MBNL1: variants seen among roughly 807,000 people sequenced by gnomAD.
MBNL1 encodes muscleblind-like protein 1.
A neutral mutation model predicts 42.2 loss-of-function variants in MBNL1; 8 were observed. The observed-to-expected ratio is 0.19, with a 90% CI of 0.11 to 0.34. The LOEUF is 0.34. Ranked by LOEUF, MBNL1 falls within the 10% of genes least tolerant of loss-of-function variation. The pLI is 1.00. For missense variants in MBNL1, 309 were observed against 495.3 expected (o/e 0.62, Z 3.57); for synonymous variants, 169 against 173.9 (o/e 0.97, Z 0.22).
intron 2 of MBNL1, among the ~76,000 whole-genome samples, chr3:152,317,235 T>C (rs1177910305): frequency 1.3e-5 from 2 of 152,206 alleles, no homozygotes; most frequent in African/African-American, 4.8e-5. Flanking sequence ...TAAAAGATTC[T>C]TATAAATTTA....
chr3:152,432,960 A>G lies in MBNL1; in HGVS notation c.549+40A>G, dbSNP rs118182284. The G allele has an allele frequency of 2.8e-4, 438 of 1,541,022 alleles. 2 individuals are homozygous for G. In the East Asian group the frequency reaches 4.4e-3, roughly 15 times the overall value. ...TTGGTGTCTTTATATACTACATTCTAATTCTCAAAGTGTGGTTTTTTGTTT... is the reference window on the plus strand; with the variant it reads ...TTGGTGTCTTTATATACTACATTCTGATTCTCAAAGTGTGGTTTTTTGTTT... On this transcript the variant is annotated intron_variant, in intron 4 of 9. Coordinates refer to ENST00000324210, the MANE Select transcript of MBNL1 (RefSeq NM_021038.5).
Position 152,291,347 on chromosome 3 carries a change from A to G in MBNL1, c.-789-8058A>G, listed in dbSNP as rs1192320915. On this transcript the variant is annotated intron_variant, in intron 1 of 9. Coordinates refer to ENST00000324210, the MANE Select transcript of MBNL1 (RefSeq NM_021038.5). ...CACATAAATCTGTTTCGAATATTCC[A>G]TGGCTCAAAATATCTTTCTTCAACT... Among the ~76,000 whole-genome samples, 9 of 152,304 alleles carry G rather than the reference A, an allele frequency of 5.9e-5. No individual in the cohort carries two copies. In the Middle Eastern group the frequency reaches 0.01, roughly 173 times the overall value.
intron 2 of MBNL1, among the ~76,000 whole-genome samples, chr3:152,368,987 T>C (rs907961646): frequency 6.6e-6 from 1 of 152,168 alleles, no homozygotes; most frequent in Non-Finnish European, 1.5e-5. Flanking sequence ...CTCTTCCTAT[T>C]TGAATACACT....
chr3:152,313,298 C>G (rs760001725), intron 2 of MBNL1, among the ~76,000 whole-genome samples: 1 of 152,166 alleles, frequency 6.6e-6, no homozygotes, highest in African/African-American at 2.4e-5. Context: ...GCTGGGATTA[C>G]AGGTGTGAGC....
intron 1 of MBNL1, among the ~76,000 whole-genome samples, chr3:152,274,758 G>A (rs1319252390): frequency 6.6e-6 from 1 of 151,668 alleles, no homozygotes; most frequent in Admixed American, 6.6e-5. Flanking sequence ...GTTTCCAAAT[G>A]TCCTATACTA....
At chr3:152,399,459 G>GTA in intron 2 of MBNL1, among the ~76,000 whole-genome samples, 1 of 152,108 alleles carries the variant, frequency 6.6e-6, no homozygotes, top group East Asian at 1.9e-4. Flanking sequence ...ATTTCAGAAA[G>GTA]TAGGTATACT....
chr3:152,249,760 G>T (rs62272727), intron 2 of MBNL1, among the ~76,000 whole-genome samples: 67,446 of 111,846 alleles, frequency 0.6, 20,956 homozygotes, highest in African/African-American at 0.63. Context: ...AGGTCTAACG[G>T]TTAAGTCTTT....
chr3:152,315,773 A>G (rs2070578448), intron 2 of MBNL1, among the ~76,000 whole-genome samples: 1 of 152,124 alleles, frequency 6.6e-6, no homozygotes, highest in South Asian at 2.1e-4. Context: ...GCTCCAAAGT[A>G]GGAGCCAAAC....
At chr3:152,390,209 A>G (rs2097648006) in intron 2 of MBNL1, among the ~76,000 whole-genome samples, 1 of 151,730 alleles carries the variant, frequency 6.6e-6, no homozygotes, top group South Asian at 2.1e-4. Context: ...AAATGCAAAC[A>G]GATTGTACAT....
chr3:152,350,436 C>A (rs1477618283), intron 2 of MBNL1, among the ~76,000 whole-genome samples: 1 of 151,924 alleles, frequency 6.6e-6, no homozygotes, highest in Non-Finnish European at 1.5e-5. Flanking sequence ...TAAAGAAATT[C>A]AATAATAATA....
chr3:152,271,051 T>A (rs1576902532), intron 1 of MBNL1, among the ~76,000 whole-genome samples: 1 of 152,196 alleles, frequency 6.6e-6, no homozygotes, highest in African/African-American at 2.4e-5. Context: ...TTTTTTTCCT[T>A]ATGTAACTGT....
chr3:152,249,879 C>T (rs1016560996), intron 2 of MBNL1, among the ~76,000 whole-genome samples: 22 of 149,074 alleles, frequency 1.5e-4, no homozygotes, highest in African/African-American at 5.2e-4. Flanking sequence ...ATAGGGAATC[C>T]TTTCCCCATT....
At chr3:152,332,733 TGTGTGTGC>T (rs759352560) in intron 2 of MBNL1, among the ~76,000 whole-genome samples, 5,162 of 133,526 alleles carry the variant, frequency 0.039, 121 homozygotes, top group Middle Eastern at 0.086. Context: ...TGTGTGTGTG[TGTGTGTGC>T]GCGCGCGCAT....
intron 9 of MBNL1, 131 bp downstream of exon 9, chr3:152,459,476 GGT>G: frequency 2.4e-6 from 1 of 424,168 alleles, no homozygotes; most frequent in East Asian, 3.6e-5. Context: ...ATCTTAAATG[GGT>G]GTGAGGAATT....
intron 7 of MBNL1, among the ~76,000 whole-genome samples, 185 bp from the exon 8 acceptor site, chr3:152,456,082 C>T (rs1733188601): frequency 1.3e-5 from 2 of 151,916 alleles, no homozygotes; most frequent in African/African-American, 4.8e-5. Context: ...CCCTCCTCCC[C>T]TTCTCTCCTT....
At chr3:152,355,657 A>G (rs1208409288) in intron 2 of MBNL1, among the ~76,000 whole-genome samples, 3 of 152,200 alleles carry the variant, frequency 2.0e-5, no homozygotes, top group Non-Finnish European at 4.4e-5. Context: ...TTTTATTAGT[A>G]TGCAACAGAT....
chr3:152,329,658 C>T (rs1400744339), intron 2 of MBNL1, among the ~76,000 whole-genome samples: 1 of 135,382 alleles, frequency 7.4e-6, no homozygotes, highest in Non-Finnish European at 1.6e-5. Flanking sequence ...AAGAAATATA[C>T]ATATATATTT....
chr3:152,291,885 T>G (rs1365469829), intron 1 of MBNL1, among the ~76,000 whole-genome samples: 12 of 152,160 alleles, frequency 7.9e-5, no homozygotes, highest in Non-Finnish European at 1.8e-4. Context: ...CAAGCAGTAC[T>G]CCCATTTCAG....
chr3:152,320,840 A>G (rs1484615801), intron 2 of MBNL1, among the ~76,000 whole-genome samples: 1 of 152,002 alleles, frequency 6.6e-6, no homozygotes, highest in African/African-American at 2.4e-5. Flanking sequence ...TAACAAGGAC[A>G]TACGGTATTT....
Sources: allele counts gnomAD v4.1 joint callset (sites outside exome capture counted in the v4.1 genomes callset), GRCh38; gene constraint gnomAD v4.1.1; transcripts MANE v1.5; gene names NCBI Gene and HGNC (gene_info 2026-07-23, HGNC 2026-07-21).